Variants in PDE4B observed in about 807,000 individuals in gnomAD.
The protein encoded by PDE4B is phosphodiesterase 4B, also known as 3',5'-cyclic-AMP phosphodiesterase 4B.
In PDE4B, 20 loss-of-function variants were observed where a neutral mutation model predicts 82.2. The ratio of observed to expected loss-of-function variants is 0.24; its 90% CI spans 0.17 to 0.35. The LOEUF is 0.35. Among genes scored for constraint, PDE4B ranks in the 10% least tolerant of loss-of-function variants. PDE4B has a pLI of 1.00. For missense variants in PDE4B, 655 were observed against 907.2 expected (o/e 0.72, Z 3.57); for synonymous variants, 320 against 318.9 (o/e 1.00, Z -0.04).
At chr1:66,207,721 A>G (rs1323558460) in intron 3 of PDE4B, among the ~76,000 whole-genome samples, 1 of 152,224 alleles carries the variant, frequency 6.6e-6, no homozygotes, top group African/African-American at 2.4e-5. Flanking sequence ...AGCAGTCATA[A>G]TGATAGAGGA....
intron 3 of PDE4B, among the ~76,000 whole-genome samples, chr1:66,163,314 T>C (rs1417139322): frequency 1.3e-5 from 2 of 152,218 alleles, no homozygotes; most frequent in Non-Finnish European, 2.9e-5. Flanking sequence ...CGTCTGTATA[T>C]TTAGTCTCTT....
chr1:66,020,449 T>C (rs984112111), intron 3 of PDE4B, among the ~76,000 whole-genome samples: 2 of 152,162 alleles, frequency 1.3e-5, no homozygotes, highest in African/African-American at 4.8e-5. Flanking sequence ...TATCTCCTAA[T>C]GCTATCCCTC....
In PDE4B at chr1:66,247,493, G is replaced by T; in HGVS notation, c.315G>T (p.Arg105=). Residue 105 remains arginine (R), a synonymous_variant, in exon 4 of 17, where the codon CGG becomes CGT. Transcript: ENST00000341517. ...FDVENGPSPG[R]SPLDPQASSS... ...TGGAAAATGGCCCTTCCCCAGGTCGGAGTCCACTGGATCCCCAGGCCAGCT... is the reference window on the plus strand; with the variant it reads ...TGGAAAATGGCCCTTCCCCAGGTCGTAGTCCACTGGATCCCCAGGCCAGCT... 1 of 1,597,144 alleles carries T rather than the reference G, an allele frequency of 6.3e-7. No homozygotes were observed. The highest frequency in any genetic ancestry group is 8.5e-7 in the Non-Finnish European group (1 of 1,173,240).
At chr1:65,861,208 T>C (rs1236776212) in intron 1 of PDE4B, among the ~76,000 whole-genome samples, 1 of 152,214 alleles carries the variant, frequency 6.6e-6, no homozygotes, top group East Asian at 1.9e-4. Context: ...TTAATCCATC[T>C]TGAGTTAATT....
chr1:66,052,724 A>G (rs528560826), intron 3 of PDE4B, among the ~76,000 whole-genome samples: 29 of 152,142 alleles, frequency 1.9e-4, no homozygotes, highest in Non-Finnish European at 3.7e-4. Flanking sequence ...GAGAGCACCT[A>G]TAACTCCTGT....
chr1:65,890,654 G>C (rs1646843192), intron 1 of PDE4B, among the ~76,000 whole-genome samples: 1 of 152,030 alleles, frequency 6.6e-6, no homozygotes, highest in African/African-American at 2.4e-5. Context: ...AGTCCCACGA[G>C]AGTGGTGGGG....
chr1:65,923,986 A>G (rs1472431569), intron 3 of PDE4B, among the ~76,000 whole-genome samples: 1 of 140,306 alleles, frequency 7.1e-6, no homozygotes, highest in East Asian at 2.0e-4. Context: ...TTTGTCTTCC[A>G]TTTCTCTTAA....
At chr1:66,367,483 G>T (rs1663333967) in intron 13 of PDE4B, 1 of 424,146 alleles carries the variant, frequency 2.4e-6, no homozygotes, top group Admixed American at 4.0e-5. Flanking sequence ...TTTAATCACA[G>T]GGAAAGCTTA....
rs540492836 is a variant in PDE4B, at chr1:66,304,302, G to A, written c.635-28206G>A. Among the ~76,000 whole-genome samples the A allele has an allele frequency of 9.2e-5, 14 of 152,206 alleles. No homozygotes were observed. The South Asian group carries it at 2.9e-3, about 32-fold the overall frequency. On this transcript the variant is annotated intron_variant, in intron 7 of 16. Coordinates refer to ENST00000341517, the MANE Select transcript of PDE4B (RefSeq NM_002600.4). ...ATATAAAACAAAAGAGCACGACTGG[G>A]TTCTAATAAAACTTTATTTACAAAA...
chr1:66,211,651 C>T (rs1650061178), intron 3 of PDE4B, among the ~76,000 whole-genome samples: 1 of 152,098 alleles, frequency 6.6e-6, no homozygotes, highest in South Asian at 2.1e-4. Flanking sequence ...TTTAATTAGC[C>T]CTGGTTTATA....
chr1:65,934,034 C>G (rs1647984481), intron 3 of PDE4B, among the ~76,000 whole-genome samples: 1 of 152,080 alleles, frequency 6.6e-6, no homozygotes, highest in African/African-American at 2.4e-5. Context: ...TTAATATAGA[C>G]TATTTTAAAT....
chr1:65,977,078 G>T (rs1650446903), intron 3 of PDE4B, among the ~76,000 whole-genome samples: 1 of 152,104 alleles, frequency 6.6e-6, no homozygotes, highest in Non-Finnish European at 1.5e-5. Flanking sequence ...TCTATTTTTA[G>T]GAAACTTGAT....
At chr1:66,337,376 A>G (rs970480789) in intron 8 of PDE4B, among the ~76,000 whole-genome samples, 2 of 152,182 alleles carry the variant, frequency 1.3e-5, no homozygotes, top group African/African-American at 2.4e-5. Flanking sequence ...TCTCTGTCCA[A>G]ATGGCTTTGA....
intron 1 of PDE4B, among the ~76,000 whole-genome samples, chr1:65,838,664 T>TC (rs1257779999): frequency 6.7e-6 from 1 of 150,260 alleles, no homozygotes; most frequent in Non-Finnish European, 1.5e-5. Context: ...TATGTTTTTT[T>TC]CCTCCCATTT....
intron 1 of PDE4B, among the ~76,000 whole-genome samples, chr1:65,804,309 T>C (rs1022092344): frequency 1.3e-5 from 2 of 152,242 alleles, no homozygotes; most frequent in Non-Finnish European, 2.9e-5. Context: ...TCAATGCTAA[T>C]GTGTGGGGTT....
intron 3 of PDE4B, among the ~76,000 whole-genome samples, chr1:66,073,400 A>G: frequency 6.6e-6 from 1 of 152,156 alleles, no homozygotes; most frequent in East Asian, 1.9e-4. Flanking sequence ...AAGTTTTAGA[A>G]GAGTACCTAG....
At chr1:66,270,665 G>A (rs968343455) in intron 7 of PDE4B, among the ~76,000 whole-genome samples, 1 of 152,130 alleles carries the variant, frequency 6.6e-6, no homozygotes, top group Non-Finnish European at 1.5e-5. Context: ...TCTACATTAA[G>A]CAAGAACTGT....
chr1:66,192,996 T>A (rs1213519113), intron 3 of PDE4B, among the ~76,000 whole-genome samples: 2 of 152,194 alleles, frequency 1.3e-5, no homozygotes, highest in African/African-American at 4.8e-5. Context: ...TTTTCTGCCA[T>A]TAAAGCCTAC....
At chr1:65,951,412 AT>A (rs1569794992) in intron 3 of PDE4B, among the ~76,000 whole-genome samples, 2 of 151,920 alleles carry the variant, frequency 1.3e-5, no homozygotes, top group African/African-American at 4.8e-5. Context: ...TGGCTTTCCT[AT>A]TTTTTTAGTT....
Sources: allele counts gnomAD v4.1 joint callset (sites outside exome capture counted in the v4.1 genomes callset), GRCh38; gene constraint gnomAD v4.1.1; transcripts MANE v1.5; gene names NCBI Gene and HGNC (gene_info 2026-07-23, HGNC 2026-07-21).